FAM120B: variants seen among roughly 807,000 people sequenced by gnomAD.
FAM120B encodes the protein family with sequence similarity 120 member B.
Under a neutral mutation model 96.3 loss-of-function variants are expected in FAM120B, and 83 were observed. That is an observed-to-expected ratio of 0.86 (90% CI 0.72 to 1.03). The LOEUF (loss-of-function observed/expected upper bound fraction) is 1.03. Among genes scored for constraint, FAM120B ranks in the 50% least tolerant of loss-of-function variants. The pLI is 0.00. For synonymous variants in FAM120B, 407 were observed against 402.7 expected (o/e 1.01, Z -0.13); for missense variants, 1,027 against 1,121.2 (o/e 0.92, Z 1.20).
intron 9 of FAM120B, among the ~76,000 whole-genome samples, chr6:170,399,616 G>A (rs1778427326): frequency 1.4e-5 from 2 of 147,978 alleles, no homozygotes; most frequent in African/African-American, 2.5e-5. Context: ...GTAGAACTAT[G>A]TCATAAGCCT....
intron 3 of FAM120B, among the ~76,000 whole-genome samples, chr6:170,326,373 TG>T (rs2115049782): frequency 6.6e-6 from 1 of 152,340 alleles, no homozygotes; most frequent in East Asian, 1.9e-4. Flanking sequence ...CCCTGTGTCC[TG>T]GCAATCTTTC....
chr6:170,400,557 G>C (rs1447309169), intron 9 of FAM120B, among the ~76,000 whole-genome samples: 1 of 152,150 alleles, frequency 6.6e-6, no homozygotes, highest in Non-Finnish European at 1.5e-5. Flanking sequence ...TGGACCACTG[G>C]GCTGCTCCCT....
upstream of FAM120B, among the ~76,000 whole-genome samples, chr6:170,306,197 C>T (rs960330084): frequency 3.9e-5 from 6 of 152,218 alleles, no homozygotes; most frequent in Non-Finnish European, 7.4e-5. Flanking sequence ...CTGACTGGGG[C>T]CGCGCCGTCC....
In FAM120B at chr6:170,359,933, A is replaced by C. The variant is rs183222657; in HGVS notation, c.2283+1615A>C. 5.9e-5 allele frequency among the ~76,000 whole-genome samples: 9 copies of C among 152,224 alleles called. No homozygotes were observed. The East Asian group carries it at 1.7e-3, about 29-fold the overall frequency. On this transcript the variant is annotated intron_variant, in intron 6 of 10. Coordinates refer to ENST00000476287, the MANE Select transcript of FAM120B (RefSeq NM_032448.3). ...TTAAGTTATCAGTAGGTTAATGTGC[A>C]TTCTTCACGCCGAGCGGCAGCCCTG...
chr6:170,393,269 G>A (rs779210782), intron 8 of FAM120B, among the ~76,000 whole-genome samples: 6 of 152,222 alleles, frequency 3.9e-5, no homozygotes, highest in East Asian at 1.9e-4. Context: ...GATGCTGGAC[G>A]CTGCTGCTTA....
intron 2 of FAM120B, among the ~76,000 whole-genome samples, chr6:170,321,021 CAG>C (rs1215687303): frequency 1.3e-5 from 2 of 152,126 alleles, no homozygotes; most frequent in African/African-American, 2.4e-5. Context: ...GCAAAGCCGA[CAG>C]GGAGTTTGGC....
intron 4 of FAM120B, 104 bp from the exon 5 acceptor site, chr6:170,348,047 A>G: frequency 2.1e-6 from 2 of 948,382 alleles, no homozygotes; most frequent in Non-Finnish European, 3.1e-6. Flanking sequence ...CTTTTACATC[A>G]GGAAGGGAAG....
intron 6 of FAM120B, 68 bp downstream of exon 6, chr6:170,358,386 A>G (rs1788112956): frequency 1.8e-6 from 2 of 1,115,824 alleles, no homozygotes; most frequent in Admixed American, 2.2e-5. Flanking sequence ...TCTCTTTCCC[A>G]TTATAGTTGA....
intron 4 of FAM120B, among the ~76,000 whole-genome samples, chr6:170,344,328 C>A (rs1456574857): frequency 1.3e-4 from 17 of 133,224 alleles, no homozygotes; most frequent in African/African-American, 4.1e-4. Context: ...CCTGAGTAGA[C>A]CCACCTTGGA....
intron 8 of FAM120B, among the ~76,000 whole-genome samples, chr6:170,392,637 T>G (rs1160673150): frequency 6.6e-6 from 1 of 152,230 alleles, no homozygotes; most frequent in Non-Finnish European, 1.5e-5. Flanking sequence ...TTTTTCTTGA[T>G]GGAATAGGAG....
chr6:170,337,695 G>A (rs1004037934), intron 4 of FAM120B, among the ~76,000 whole-genome samples: 1 of 152,080 alleles, frequency 6.6e-6, no homozygotes, highest in Non-Finnish European at 1.5e-5. Context: ...ATTAATTATT[G>A]TGTCAATTTC....
At chr6:170,338,137 A>T (rs550740888) in intron 4 of FAM120B, among the ~76,000 whole-genome samples, 5 of 152,140 alleles carry the variant, frequency 3.3e-5, no homozygotes, top group African/African-American at 1.2e-4. Context: ...TGTCAATTTC[A>T]TATCTTTCCT....
chr6:170,372,242 T>C (rs1328285491), intron 6 of FAM120B, among the ~76,000 whole-genome samples: 1 of 152,202 alleles, frequency 6.6e-6, no homozygotes, highest in African/African-American at 2.4e-5. Flanking sequence ...GATTTAGTCC[T>C]AAAAGCTAAG....
chr6:170,307,819 C>T (rs148701097), intron 1 of FAM120B, among the ~76,000 whole-genome samples: 34 of 152,152 alleles, frequency 2.2e-4, no homozygotes, highest in African/African-American at 7.7e-4. Context: ...ACTGGAAACC[C>T]CGAAATGGTA....
chr6:170,325,365 G>A (rs971867314), intron 3 of FAM120B, among the ~76,000 whole-genome samples: 3 of 151,960 alleles, frequency 2.0e-5, no homozygotes, highest in African/African-American at 7.3e-5. Flanking sequence ...CTTTTAATTG[G>A]AATGTTCAGA....
chr6:170,295,451 G>C lies in FAM120B; in HGVS notation c.46G>C (p.Glu16Gln). 3 of 701,484 alleles carry C rather than the reference G, an allele frequency of 4.3e-6. No homozygotes were observed. Among genetic ancestry groups the C allele is most frequent in the Non-Finnish European group, 7.8e-6 (3 of 384,480 alleles). The allele number at this position is 701,484 out of a possible 1,614,324, so 43.5% of individuals were successfully genotyped here. A position where few individuals can be genotyped will look rare whatever the true frequency, so the allele number is the denominator to read the frequency against. Residue 16 changes from glutamate (E) to glutamine (Q), a missense_variant and splice_region_variant, in exon 1 of 11, where the codon GAG becomes CAG. Coordinates refer to the FAM120B transcript ENST00000537664. The surrounding 1 kb of genome is among the most constrained non-coding windows in gnomAD (Gnocchi z 7.8). ...CACCAGCGCTGGCGCAGGCAGGAAG[G>C]AGGTGAGCGCCGCCCGCGTGCACAC...
At chr6:170,402,245 G>T (rs766167145) in intron 9 of FAM120B, among the ~76,000 whole-genome samples, 4 of 152,194 alleles carry the variant, frequency 2.6e-5, no homozygotes, top group Non-Finnish European at 4.4e-5. Context: ...GAGCTGGTCC[G>T]CAAGGCTGTG....
upstream of FAM120B, chr6:170,290,832 C>T: frequency 3.2e-6 from 2 of 626,348 alleles, no homozygotes; most frequent in Non-Finnish European, 5.7e-6. This position sits in a 1 kb window ranked among gnomAD's most constrained non-coding sequence, Gnocchi z 4.7. Flanking sequence ...CCGGAGGGGC[C>T]GGGCCGTGGG....
At chr6:170,369,406 G>A (rs6456202) in intron 6 of FAM120B, among the ~76,000 whole-genome samples, 2 of 152,026 alleles carry the variant, frequency 1.3e-5, no homozygotes, top group Non-Finnish European at 2.9e-5. Flanking sequence ...TTTGCCCATA[G>A]TCCTCATAAT....
Sources: allele counts gnomAD v4.1 joint callset (sites outside exome capture counted in the v4.1 genomes callset), GRCh38; gene constraint gnomAD v4.1.1; non-coding constraint Gnocchi (gnomAD v3.1); transcripts MANE v1.5; gene names NCBI Gene and HGNC (gene_info 2026-07-23, HGNC 2026-07-21).